ADAMTSL1: variants seen among roughly 807,000 people sequenced by gnomAD.
ADAMTSL1 encodes the protein ADAMTS-like protein 1.
In ADAMTSL1, 126 loss-of-function variants were observed where a neutral mutation model predicts 201.8. That is an observed-to-expected ratio of 0.62 (90% confidence interval 0.54 to 0.72). ADAMTSL1 has a LOEUF of 0.72. Ranked by LOEUF, ADAMTSL1 falls within the 30% of genes least tolerant of loss-of-function variation. ADAMTSL1 has a pLI of 0.00. For synonymous variants in ADAMTSL1, 1,121 were observed against 903.4 expected (o/e 1.24, Z -4.32); for missense variants, 2,679 against 2,277.8 (o/e 1.18, Z -3.59).
chr9:18,503,417 T>TTG (rs1437008025), intron 1 of ADAMTSL1, among the ~76,000 whole-genome samples: 1,273 of 61,956 alleles, frequency 0.021, 58 homozygotes, highest in East Asian at 0.065. Context: ...TAGTATTCCA[T>TTG]TGTGTATATA....
chr9:18,227,212 C>G (rs762503455), intron 2 of ADAMTSL1, among the ~76,000 whole-genome samples: 7 of 152,194 alleles, frequency 4.6e-5, no homozygotes, highest in African/African-American at 1.7e-4. Flanking sequence ...CATGCTAAAT[C>G]GCTTATGTTC....
intron 1 of ADAMTSL1, among the ~76,000 whole-genome samples, chr9:17,954,582 G>C (rs911394857): frequency 1.3e-5 from 2 of 152,150 alleles, no homozygotes. Context: ...AAAAGCTCAA[G>C]GGGTATGGAA....
intron 2 of ADAMTSL1, among the ~76,000 whole-genome samples, chr9:18,320,712 A>G (rs1435325094): frequency 6.6e-6 from 1 of 152,172 alleles, no homozygotes; most frequent in Non-Finnish European, 1.5e-5. Flanking sequence ...AACACAAAGG[A>G]TGAGAGAGGT....
intron 2 of ADAMTSL1, among the ~76,000 whole-genome samples, chr9:18,180,055 G>T (rs1828383206): frequency 6.6e-6 from 1 of 152,122 alleles, no homozygotes; most frequent in African/African-American, 2.4e-5. Flanking sequence ...TGGACTAAAT[G>T]CTCCAATTAA....
At chr9:18,520,883 A>G (rs2132028430) in intron 2 of ADAMTSL1, among the ~76,000 whole-genome samples, 1 of 152,352 alleles carries the variant, frequency 6.6e-6, no homozygotes, top group Non-Finnish European at 1.5e-5. Flanking sequence ...CATGTAGAAA[A>G]GGCAGTGGAA....
intron 2 of ADAMTSL1, among the ~76,000 whole-genome samples, chr9:18,401,249 C>A (rs1817972924): frequency 6.6e-6 from 1 of 152,210 alleles, no homozygotes; most frequent in Non-Finnish European, 1.5e-5. Flanking sequence ...CTTTCCACCT[C>A]TGAGTTTTGT....
At chr9:18,200,058 C>A (rs555351959) in intron 2 of ADAMTSL1, among the ~76,000 whole-genome samples, 47 of 151,992 alleles carry the variant, frequency 3.1e-4, no homozygotes, top group Middle Eastern at 3.4e-3. Context: ...CATTATTACT[C>A]CTGTTGAGAG....
At position 18,201,194 on chromosome 9, in the gene ADAMTSL1, A is replaced by G. The variant is rs373032334; in HGVS notation, c.207+37213A>G. On this transcript the variant is annotated intron_variant, in intron 2 of 29. Coordinates refer to the ADAMTSL1 transcript ENST00000680146. ...GGGAAGAAATTGATTTCCCACAGAG[A>G]GTGAAATTTGGTCCAGAAATGAATA... Among the ~76,000 whole-genome samples, 17 of 152,210 alleles carry G rather than the reference A, an allele frequency of 1.1e-4. No homozygotes were observed. In the East Asian group the frequency reaches 2.7e-3, roughly 24 times the overall value.
chr9:18,179,375 G>A (rs533411272), intron 2 of ADAMTSL1, among the ~76,000 whole-genome samples: 34 of 152,310 alleles, frequency 2.2e-4, no homozygotes, highest in South Asian at 1.0e-3. Context: ...ATGGGACTAC[G>A]TGAAAAGACC....
At chr9:18,698,964 G>C (rs1831749932) in intron 13 of ADAMTSL1, among the ~76,000 whole-genome samples, 3 of 152,130 alleles carry the variant, frequency 2.0e-5, no homozygotes, top group African/African-American at 7.2e-5. Context: ...AAAAGAGAAG[G>C]CAGAACTTCA....
chr9:18,108,169 G>T (rs938333236), intron 1 of ADAMTSL1, among the ~76,000 whole-genome samples: 1 of 148,114 alleles, frequency 6.8e-6, no homozygotes, highest in Non-Finnish European at 1.5e-5. Context: ...AAGTATTCAC[G>T]TTAACTCTTA....
chr9:18,310,573 C>T (rs1302527579), intron 2 of ADAMTSL1, among the ~76,000 whole-genome samples: 2 of 152,012 alleles, frequency 1.3e-5, no homozygotes, highest in African/African-American at 4.8e-5. Context: ...CAAAAGAAGA[C>T]ATTTATGTGG....
At chr9:18,324,696 G>A (rs1481980711) in intron 2 of ADAMTSL1, among the ~76,000 whole-genome samples, 1 of 151,546 alleles carries the variant, frequency 6.6e-6, no homozygotes, top group Non-Finnish European at 1.5e-5. Context: ...CCCGGGAGGC[G>A]GAGATTGCAG....
At chr9:18,700,212 A>G (rs1831841220) in intron 13 of ADAMTSL1, among the ~76,000 whole-genome samples, 1 of 152,220 alleles carries the variant, frequency 6.6e-6, no homozygotes, top group Admixed American at 6.5e-5. Context: ...TTTTACAAGT[A>G]ATTTTAAAAT....
chr9:18,517,248 G>A (rs554504643), intron 2 of ADAMTSL1, among the ~76,000 whole-genome samples: 10 of 151,680 alleles, frequency 6.6e-5, no homozygotes, highest in Non-Finnish European at 1.5e-4. Context: ...GCAATCCCCC[G>A]GCCCCCACCC....
intron 2 of ADAMTSL1, among the ~76,000 whole-genome samples, chr9:18,260,656 C>G (rs1448693577): frequency 6.6e-6 from 1 of 152,158 alleles, no homozygotes; most frequent in Non-Finnish European, 1.5e-5. Flanking sequence ...ATCTGGTTGC[C>G]TACTTGTTGC....
At chr9:18,438,926 C>G (rs748500135) in intron 2 of ADAMTSL1, among the ~76,000 whole-genome samples, 2 of 152,120 alleles carry the variant, frequency 1.3e-5, no homozygotes, top group Non-Finnish European at 2.9e-5. Context: ...GCTCCAGTCC[C>G]GAGCCTTTGT....
chr9:17,907,944 C>A (rs1482368919), intron 1 of ADAMTSL1, among the ~76,000 whole-genome samples: 1 of 152,162 alleles, frequency 6.6e-6, no homozygotes, highest in East Asian at 1.9e-4. Context: ...CAGATAGCCT[C>A]CCTTTCCTCT....
intron 1 of ADAMTSL1, among the ~76,000 whole-genome samples, chr9:18,046,424 T>G (rs964520036): frequency 6.6e-6 from 1 of 152,160 alleles, no homozygotes; most frequent in Non-Finnish European, 1.5e-5. Context: ...AAGAGGCATA[T>G]AAGCCCTTTC....
Sources: allele counts gnomAD v4.1 joint callset (sites outside exome capture counted in the v4.1 genomes callset), GRCh38; gene constraint gnomAD v4.1.1; transcripts MANE v1.5; gene names NCBI Gene and HGNC (gene_info 2026-07-23, HGNC 2026-07-21).